Variants in ANTXR1 observed in about 807,000 individuals in gnomAD.
The protein encoded by ANTXR1 is ANTXR cell adhesion molecule 1.
In ANTXR1, 19 loss-of-function variants were observed where a neutral mutation model predicts 78.1. The observed-to-expected ratio is 0.24, with a 90% CI of 0.17 to 0.36. ANTXR1 has a LOEUF of 0.36. ANTXR1 is among the 10% of genes least tolerant of loss of function. The pLI is 1.00. For missense variants in ANTXR1, 518 were observed against 718.6 expected (o/e 0.72, Z 3.19); for synonymous variants, 273 against 260.5 (o/e 1.05, Z -0.46).
At chr2:69,117,119 A>G (rs1272406770) in intron 10 of ANTXR1, among the ~76,000 whole-genome samples, 1 of 152,230 alleles carries the variant, frequency 6.6e-6, no homozygotes, top group African/African-American at 2.4e-5. Flanking sequence ...CTTCATCCCT[A>G]GACCCCTCTC....
At chr2:69,123,130 G>C (rs371144783) in intron 11 of ANTXR1, 44 bp downstream of exon 11, 21 of 1,591,556 alleles carry the variant, frequency 1.3e-5, no homozygotes, top group Non-Finnish European at 1.7e-5. Context: ...AGGGAAGAGA[G>C]AGAGGAGGTG....
chr2:69,081,456 G>A (rs903282095), intron 8 of ANTXR1, among the ~76,000 whole-genome samples: 30 of 152,310 alleles, frequency 2.0e-4, no homozygotes, highest in Middle Eastern at 3.4e-3. Context: ...TTATGTGTCA[G>A]ATTTTTTCAA....
intron 12 of ANTXR1, among the ~76,000 whole-genome samples, chr2:69,141,850 A>G (rs1673077985): frequency 6.6e-6 from 1 of 152,118 alleles, no homozygotes; most frequent in Non-Finnish European, 1.5e-5. Flanking sequence ...CATCTGCCCC[A>G]TGAAGTTTGT....
At chr2:69,209,882 G>C (rs58985561) in intron 17 of ANTXR1, among the ~76,000 whole-genome samples, 1,546 of 152,312 alleles carry the variant, frequency 0.01, 26 homozygotes, top group African/African-American at 0.035. Context: ...GGCTTAGCAG[G>C]GGGGAGACAA....
At chr2:69,126,724 A>T (rs1672553233) in intron 12 of ANTXR1, among the ~76,000 whole-genome samples, 1 of 152,106 alleles carries the variant, frequency 6.6e-6, no homozygotes, top group South Asian at 2.1e-4. Flanking sequence ...ATGGGCCTCT[A>T]ATTAAGAAGA....
chr2:69,023,113 G>A (rs1023072268), intron 1 of ANTXR1, among the ~76,000 whole-genome samples: 1 of 152,226 alleles, frequency 6.6e-6, no homozygotes, highest in African/African-American at 2.4e-5. Context: ...GCTTCAGCAA[G>A]CATTGTGACC....
chr2:69,080,253 A>G (rs1670861594), intron 8 of ANTXR1, among the ~76,000 whole-genome samples: 2 of 152,224 alleles, frequency 1.3e-5, no homozygotes, highest in African/African-American at 2.4e-5. Flanking sequence ...ATTACGGCCT[A>G]AAAGTTGGCT....
At chr2:69,151,181 A>ATTTTTTTT (rs1673382576) in intron 12 of ANTXR1, among the ~76,000 whole-genome samples, 1 of 78,024 alleles carries the variant, frequency 1.3e-5, no homozygotes. Context: ...ATATCTGATT[A>ATTTTTTTT]TTTTCTTTTT....
At chr2:69,088,038 T>C (rs1283265222) in intron 8 of ANTXR1, among the ~76,000 whole-genome samples, 1 of 152,200 alleles carries the variant, frequency 6.6e-6, no homozygotes, top group East Asian at 1.9e-4. Context: ...TAAGTTAAGA[T>C]TGGGAAAGCT....
At chr2:69,184,848 C>A (rs967538537) in intron 16 of ANTXR1, among the ~76,000 whole-genome samples, 4 of 152,180 alleles carry the variant, frequency 2.6e-5, no homozygotes, top group African/African-American at 4.8e-5. Flanking sequence ...GTCAGAATCA[C>A]CTGAGAGTGA....
At chr2:69,181,991 T>A in intron 15 of ANTXR1, 110 bp downstream of exon 15, 1 of 1,078,068 alleles carries the variant, frequency 9.3e-7, no homozygotes, top group Non-Finnish European at 1.4e-6. Context: ...CCCAGGGCAG[T>A]ATGGCCGTAG....
chr2:69,097,626 C>G (rs755814761), intron 9 of ANTXR1, among the ~76,000 whole-genome samples: 16 of 152,316 alleles, frequency 1.1e-4, no homozygotes, highest in East Asian at 1.9e-4. Context: ...GGAGGAAGGA[C>G]TCTCATTTAC....
In ANTXR1 at chr2:69,066,489, G is replaced by A. The variant is rs149064627; in HGVS notation, c.297-4158G>A. On this transcript the variant is annotated intron_variant, in intron 3 of 17. Transcript: ENST00000303714. The stretch of plus-strand genomic sequence containing the variant: ...TTTTTTAATTTAATTTTTTTCTTAC[G>A]TGTTCATCTTTTAATGTTTTCATCA... Among the ~76,000 whole-genome samples, 310 of 151,568 alleles carry A rather than the reference G, an allele frequency of 2.0e-3. 1 individual carries two copies. Among genetic ancestry groups the A allele is most frequent in the African/African-American group, 7.1e-3 (292 of 41,286 alleles).
intron 10 of ANTXR1, among the ~76,000 whole-genome samples, chr2:69,105,219 T>C (rs1671766155): frequency 6.6e-6 from 1 of 152,244 alleles, no homozygotes; most frequent in Non-Finnish European, 1.5e-5. Context: ...CTCTCTCCTT[T>C]CTTCCTTTCC....
At chr2:69,159,028 G>A (rs540905641) in intron 13 of ANTXR1, among the ~76,000 whole-genome samples, 27 of 152,292 alleles carry the variant, frequency 1.8e-4, no homozygotes, top group African/African-American at 3.1e-4. Flanking sequence ...TAGGGGAAGA[G>A]TGTTCGATGC....
In ANTXR1 at chr2:69,117,272, A is replaced by C. The variant is rs1035974150; in HGVS notation, c.803-5745A>C. Among the ~76,000 whole-genome samples, 58 of 152,204 alleles carry C rather than the reference A, an allele frequency of 3.8e-4. 3 individuals carry two copies. On this transcript the variant is annotated intron_variant, in intron 10 of 17. Transcript: ENST00000303714. ...AGACTAGCTGGGCTTACACTGGGCAAGCTATTTCAACAAAACTTGGGTTTG... is the reference window on the plus strand; with the variant it reads ...AGACTAGCTGGGCTTACACTGGGCACGCTATTTCAACAAAACTTGGGTTTG...
intron 15 of ANTXR1, 127 bp downstream of exon 15, chr2:69,182,008 CT>C: frequency 1.1e-6 from 1 of 898,282 alleles, no homozygotes; most frequent in African/African-American, 1.6e-5. Context: ...GTAGACCACA[CT>C]GATGACTCAA....
chr2:69,241,785 T>C (rs1675900185), intron 17 of ANTXR1, among the ~76,000 whole-genome samples: 1 of 152,172 alleles, frequency 6.6e-6, no homozygotes, highest in South Asian at 2.1e-4. Context: ...AGACAGGGTC[T>C]GATTGTGTCT....
intron 8 of ANTXR1, among the ~76,000 whole-genome samples, chr2:69,082,489 A>G (rs1165399475): frequency 6.6e-6 from 1 of 152,134 alleles, no homozygotes; most frequent in African/African-American, 2.4e-5. Flanking sequence ...GGGAATTTCC[A>G]CCGACCACAA....
Sources: allele counts gnomAD v4.1 joint callset (sites outside exome capture counted in the v4.1 genomes callset), GRCh38; gene constraint gnomAD v4.1.1; transcripts MANE v1.5; gene names NCBI Gene and HGNC (gene_info 2026-07-23, HGNC 2026-07-21).